The following PDE4D variants were observed in gnomAD, a reference collection of about 807,000 sequenced individuals.
PDE4D encodes the protein phosphodiesterase 4D.
A neutral mutation model predicts 87.4 loss-of-function variants in PDE4D; 24 were observed. That is an observed-to-expected ratio of 0.27 (90% CI 0.20 to 0.39). The LOEUF (loss-of-function observed/expected upper bound fraction) is 0.39, where lower values mean the gene tolerates loss of function less well. Among genes scored for constraint, PDE4D ranks in the 10% least tolerant of loss-of-function variants. The pLI is 1.00. For synonymous variants in PDE4D, 384 were observed against 383.2 expected (o/e 1.00, Z -0.02); for missense variants, 714 against 1,041.0 (o/e 0.69, Z 4.32).
chr5:59,205,667 C>CACACACACACAT (rs1748610368), intron 2 of PDE4D, among the ~76,000 whole-genome samples: 1 of 150,230 alleles, frequency 6.7e-6, no homozygotes. Flanking sequence ...CACACACACA[C>CACACACACACAT]ACACACACAC....
chr5:59,045,509 C>A (rs977400590), intron 5 of PDE4D, among the ~76,000 whole-genome samples: 1 of 142,178 alleles, frequency 7.0e-6, no homozygotes, highest in South Asian at 2.2e-4. Flanking sequence ...GCAGAGGTTG[C>A]GCCATTGCAC....
At chr5:59,775,192 G>T (rs1174436651) in intron 1 of PDE4D, among the ~76,000 whole-genome samples, 1 of 152,098 alleles carries the variant, frequency 6.6e-6, no homozygotes, top group East Asian at 1.9e-4. Context: ...AAGAAAATAA[G>T]TTTTGATAGC....
At chr5:60,241,153 TATC>T (rs1747063354) in intron 1 of PDE4D, among the ~76,000 whole-genome samples, 1 of 151,684 alleles carries the variant, frequency 6.6e-6, no homozygotes, top group African/African-American at 2.4e-5. Context: ...TTTAGAATAA[TATC>T]AGATAAATTT....
At position 59,809,320 on chromosome 5, in the gene PDE4D, C is replaced by T. The variant is rs147554266; in HGVS notation, c.455+83848G>A. Reference sequence around the variant, plus strand: ...ATTAAGCCAAAGGGACTAGACCCATCGAAAGTGAGATATAAAGGGCTTTGG... The same window carrying T: ...ATTAAGCCAAAGGGACTAGACCCATTGAAAGTGAGATATAAAGGGCTTTGG... On this transcript the variant is annotated intron_variant, in intron 1 of 14. Transcript: ENST00000340635. Among the ~76,000 whole-genome samples the T allele has an allele frequency of 3.7e-3, 561 of 152,174 alleles. 5 individuals carry two copies. The highest frequency in any genetic ancestry group is 0.013 in the African/African-American group (534 of 41,512).
At chr5:59,088,437 A>G (rs1768102378) in intron 5 of PDE4D, among the ~76,000 whole-genome samples, 1 of 152,150 alleles carries the variant, frequency 6.6e-6, no homozygotes, top group African/African-American at 2.4e-5. Context: ...CAACCCAGCA[A>G]TCTCATTTCT....
intron 1 of PDE4D, among the ~76,000 whole-genome samples, chr5:59,384,675 A>G (rs971450528): frequency 6.6e-6 from 1 of 152,160 alleles, no homozygotes; most frequent in African/African-American, 2.4e-5. Context: ...CTGCAAAACT[A>G]TACTATATAT....
chr5:60,117,991 TTTTC>T (rs1469923496), intron 2 of PDE4D, among the ~76,000 whole-genome samples: 1 of 152,182 alleles, frequency 6.6e-6, no homozygotes, highest in Non-Finnish European at 1.5e-5. Context: ...ACAATTGATC[TTTTC>T]TTTATCTTCA....
chr5:59,993,798 G>A (rs2572067), intron 2 of PDE4D, among the ~76,000 whole-genome samples: 95,117 of 151,744 alleles, frequency 0.63, 32,546 homozygotes, highest in East Asian at 0.92. Flanking sequence ...AAATATATTC[G>A]GCTTCAAGAT....
intron 5 of PDE4D, among the ~76,000 whole-genome samples, chr5:59,058,719 T>G (rs78142120): frequency 0.012 from 1,882 of 151,342 alleles, 46 homozygotes; most frequent in African/African-American, 0.043. Flanking sequence ...ATTCAGGAGG[T>G]GTAAGTCCAC....
intron 1 of PDE4D, among the ~76,000 whole-genome samples, chr5:59,604,768 G>T (rs1319790888): frequency 6.6e-6 from 1 of 151,932 alleles, no homozygotes; most frequent in African/African-American, 2.4e-5. Context: ...AAAATATGCA[G>T]ATTGTGAGGG....
At chr5:60,292,188 A>C (rs770714066) in intron 1 of PDE4D, among the ~76,000 whole-genome samples, 3 of 152,148 alleles carry the variant, frequency 2.0e-5, no homozygotes, top group Non-Finnish European at 2.9e-5. Flanking sequence ...TAAAGAATAA[A>C]ATTTTTACCG....
At chr5:59,311,522 A>C (rs1252548850) in intron 1 of PDE4D, among the ~76,000 whole-genome samples, 3 of 150,486 alleles carry the variant, frequency 2.0e-5, no homozygotes, top group Non-Finnish European at 3.0e-5. Flanking sequence ...AAAAAAAAAA[A>C]AAAACAGAAA....
intron 3 of PDE4D, among the ~76,000 whole-genome samples, chr5:59,961,165 C>A (rs1282597145): frequency 6.6e-6 from 1 of 152,094 alleles, no homozygotes; most frequent in Non-Finnish European, 1.5e-5. Flanking sequence ...TAAAAAGGAT[C>A]TTTGCAGATG....
chr5:60,384,081 C>A (rs976668619), intron 1 of PDE4D, among the ~76,000 whole-genome samples: 1 of 152,160 alleles, frequency 6.6e-6, no homozygotes, highest in Non-Finnish European at 1.5e-5. Context: ...GGTATTAAAT[C>A]TTATCTTTTG....
chr5:60,093,859 G>A (rs1775392233), intron 2 of PDE4D, among the ~76,000 whole-genome samples: 1 of 151,848 alleles, frequency 6.6e-6, no homozygotes, highest in African/African-American at 2.4e-5. Context: ...TATATAAATT[G>A]AATAATAAAA....
chr5:59,534,100 A>G (rs1291856759), intron 1 of PDE4D, among the ~76,000 whole-genome samples: 1 of 152,212 alleles, frequency 6.6e-6, no homozygotes, highest in Non-Finnish European at 1.5e-5. Context: ...AACATTGTAT[A>G]TATTAAGAAA....
At chr5:60,020,673 C>A (rs1194650990) in intron 2 of PDE4D, among the ~76,000 whole-genome samples, 2 of 152,316 alleles carry the variant, frequency 1.3e-5, no homozygotes, top group African/African-American at 2.4e-5. Context: ...CCCAGACCAA[C>A]CCAGCCCAGC....
intron 1 of PDE4D, among the ~76,000 whole-genome samples, chr5:60,423,844 G>A (rs1335885984): frequency 6.6e-6 from 1 of 152,140 alleles, no homozygotes; most frequent in South Asian, 2.1e-4. Context: ...AATAAAAAAT[G>A]ATAAAGGTGA....
chr5:59,910,790 G>T (rs1223575538), intron 3 of PDE4D, among the ~76,000 whole-genome samples: 4 of 152,130 alleles, frequency 2.6e-5, no homozygotes, highest in Non-Finnish European at 5.9e-5. Flanking sequence ...TTATCTCCCT[G>T]CCCCCAAAGA....
Sources: gnomAD v4.1 joint callset for allele counts (sites outside exome capture counted in the v4.1 genomes callset) on GRCh38, gnomAD v4.1.1 for gene constraint, MANE v1.5 for transcripts, NCBI Gene and HGNC (gene_info 2026-07-23, HGNC 2026-07-21) for gene names.